Variants in LEPR observed in about 807,000 individuals in gnomAD.
The protein encoded by LEPR is OB receptor.
Under a neutral mutation model 114.7 loss-of-function variants are expected in LEPR, and 56 were observed. The observed-to-expected ratio is 0.49, with a 90% CI of 0.39 to 0.61. The LOEUF is 0.61. Ranked by LOEUF, LEPR falls within the 20% of genes least tolerant of loss-of-function variation. The pLI, the probability that LEPR is intolerant of heterozygous loss-of-function variation, is 0.00. For synonymous variants in LEPR, 443 were observed against 461.4 expected (o/e 0.96, Z 0.51); for missense variants, 1,202 against 1,352.9 (o/e 0.89, Z 1.75).
intron 5 of LEPR, among the ~76,000 whole-genome samples, chr1:65,589,523 TTTC>T (rs1655545669): frequency 6.6e-6 from 1 of 152,096 alleles, no homozygotes; most frequent in Non-Finnish European, 1.5e-5. Flanking sequence ...TTACTTATGT[TTTC>T]TTCTAGAAGT....
rs148775685 is a variant in LEPR, at chr1:65,618,712, CTATCA to C, written c.2395+577_2395+581del. Reference sequence around the variant, plus strand: ...ATCATATCATATCATATATCCTATCCTATCATATCATATCAATTTTCTCCTCATTT... The same window carrying C: ...ATCATATCATATCATATATCCTATCCTATCATATCAATTTTCTCCTCATTT... On this transcript the variant is annotated intron_variant, in intron 16 of 19. Transcript: ENST00000349533. Among the ~76,000 whole-genome samples the C allele has an allele frequency of 1.6e-3, 250 of 152,242 alleles. 2 individuals are homozygous for C. Among genetic ancestry groups the C allele is most frequent in the African/African-American group, 5.8e-3 (240 of 41,546 alleles).
chr1:65,516,188 A>C (rs1209970994), intron 2 of LEPR, among the ~76,000 whole-genome samples: 1 of 152,098 alleles, frequency 6.6e-6, no homozygotes, highest in East Asian at 1.9e-4. Flanking sequence ...TAATCTCAGC[A>C]CTTTGGGAGG....
rs371095738 is a variant in LEPR at position 65,456,377 on chromosome 1, A to C, written c.-21+30999A>C. Among the ~76,000 whole-genome samples the C allele has an allele frequency of 7.2e-5, 11 of 152,200 alleles. No individual in the cohort carries two copies. The East Asian group carries it at 2.1e-3, about 30-fold the overall frequency. ...GTTCAACTTTGTCCTTACTGGTTTT[A>C]TGCCTGCTGGATCTGTCCATTTCTG... On this transcript the variant is annotated intron_variant, in intron 2 of 19. Transcript: ENST00000349533.
Position 65,570,560 on chromosome 1 carries a change from C to G in LEPR, c.128C>G (p.Thr43Ser), listed in dbSNP as rs1241672391. The change falls in exon 4 of 20, where the codon ACC (threonine) becomes AGC (serine). Residue 43 changes from threonine (T) to serine (S), a missense_variant. Transcript: ENST00000349533. ...FKLSCMPPNS[T>S]YDYFLLPAGL... is the part of the protein sequence containing the mutation. ...TTGTCTTGCATGCCACCAAATTCAA[C>G]CTATGACTACTTCCTTTTGCCTGCT... The G allele has an allele frequency of 3.1e-6, 5 of 1,613,992 alleles. No individual in the cohort carries two copies. In the East Asian group the frequency reaches 1.1e-4, roughly 36 times the overall value.
At chr1:65,544,932 A>G (rs1214918145) in intron 2 of LEPR, among the ~76,000 whole-genome samples, 19 of 150,176 alleles carry the variant, frequency 1.3e-4, no homozygotes, top group African/African-American at 4.6e-4. Context: ...CATTAGGTAT[A>G]TCTCCTAATG....
intron 2 of LEPR, among the ~76,000 whole-genome samples, chr1:65,467,850 A>G (rs543149288): frequency 6.6e-6 from 1 of 152,356 alleles, no homozygotes; most frequent in East Asian, 1.9e-4. Context: ...TGAGCCAGGC[A>G]CAGGAGGGAA....
intron 2 of LEPR, among the ~76,000 whole-genome samples, chr1:65,553,024 A>C (rs1415938764): frequency 6.6e-6 from 1 of 152,126 alleles, no homozygotes; most frequent in East Asian, 1.9e-4. Context: ...TCTTTTCTTT[A>C]AGAATGTTGA....
chr1:65,426,048 A>G (rs76018206), intron 2 of LEPR, among the ~76,000 whole-genome samples: 1,800 of 152,260 alleles, frequency 0.012, 23 homozygotes, highest in African/African-American at 0.041. Flanking sequence ...AAGTATGCAT[A>G]CTGTCAGAGG....
intron 2 of LEPR, among the ~76,000 whole-genome samples, chr1:65,505,091 T>G (rs1648655351): frequency 6.6e-6 from 1 of 152,140 alleles, no homozygotes; most frequent in South Asian, 2.1e-4. Context: ...TGGTACTCCT[T>G]AATTCATACA....
At chr1:65,585,536 C>A (rs1451261990) in intron 5 of LEPR, among the ~76,000 whole-genome samples, 1 of 151,846 alleles carries the variant, frequency 6.6e-6, no homozygotes, top group Non-Finnish European at 1.5e-5. Context: ...ACCAAAAAGG[C>A]AAAAATGGTA....
chr1:65,495,228 A>G (rs1648092093), intron 2 of LEPR, among the ~76,000 whole-genome samples: 1 of 152,172 alleles, frequency 6.6e-6, no homozygotes, highest in African/African-American at 2.4e-5. Flanking sequence ...AAAAAAGCCA[A>G]TAACCCAAAA....
At chr1:65,542,128 G>C (rs566430742) in intron 2 of LEPR, among the ~76,000 whole-genome samples, 2 of 151,936 alleles carry the variant, frequency 1.3e-5, no homozygotes, top group African/African-American at 4.8e-5. Flanking sequence ...TTACTGTGCT[G>C]GGCATATTAT....
intron 15 of LEPR, among the ~76,000 whole-genome samples, chr1:65,617,735 T>C (rs1357236839): frequency 6.6e-6 from 1 of 152,164 alleles, no homozygotes; most frequent in East Asian, 1.9e-4. Flanking sequence ...AAATTGCTTT[T>C]TAAGGTTTTA....
In LEPR at chr1:65,434,298, CA is replaced by C. The variant is rs1290379834; in HGVS notation, c.-21+8921del. On this transcript the variant is annotated intron_variant, in intron 2 of 19. Transcript: ENST00000349533. ...TGATCATGGTGACACAAATGTTGGA[CA>C]TTTTTTTCCTTATAAAAGGCTCTTT... 1.0e-5 allele frequency: 10 copies of C among 983,978 alleles called. No homozygotes were observed. The East Asian group carries it at 5.7e-4, about 56-fold the overall frequency. 61.0% of individuals were successfully genotyped at this position (983,978 alleles called of 1,614,324 possible).
chr1:65,527,916 C>T lies in LEPR; in HGVS notation c.-20-37630C>T, dbSNP rs76500887. 8.3e-4 allele frequency among the ~76,000 whole-genome samples: 127 copies of T among 152,234 alleles called. 1 individual carries two copies. In the East Asian group the frequency reaches 0.023, roughly 28 times the overall value. On this transcript the variant is annotated intron_variant, in intron 2 of 19. Transcript: ENST00000349533. ...CCTGGTTGCTAAGTCATTTGGAAAA[C>T]AACTGAAACTGGATGGATCCAACAG...
At chr1:65,571,573 A>T (rs894956903) in intron 4 of LEPR, among the ~76,000 whole-genome samples, 1 of 150,476 alleles carries the variant, frequency 6.6e-6, no homozygotes, top group Non-Finnish European at 1.5e-5. Flanking sequence ...TAAAAGCGTG[A>T]TGATTGGGTT....
intron 5 of LEPR, among the ~76,000 whole-genome samples, chr1:65,591,918 A>G (rs1213766716): frequency 6.6e-6 from 1 of 151,450 alleles, no homozygotes; most frequent in African/African-American, 2.4e-5. Context: ...TGATTTTTTA[A>G]ATGATTCTAC....
intron 19 of LEPR, 52 bp downstream of exon 19, chr1:65,623,033 C>A: frequency 1.3e-6 from 2 of 1,534,888 alleles, no homozygotes; most frequent in Non-Finnish European, 9.0e-7. Context: ...GCAATCTAGA[C>A]GCCATATGAC....
chr1:65,596,660 G>A, intron 7 of LEPR, 67 bp downstream of exon 7: 1 of 1,397,974 alleles, frequency 7.2e-7, no homozygotes, highest in South Asian at 1.2e-5. Flanking sequence ...AAGTCCCATA[G>A]CAATTACCCT....
Sources: gnomAD v4.1 joint callset for allele counts (sites outside exome capture counted in the v4.1 genomes callset) on GRCh38, gnomAD v4.1.1 for gene constraint, MANE v1.5 for transcripts, NCBI Gene and HGNC (gene_info 2026-07-23, HGNC 2026-07-21) for gene names.